Variants in TESK1 observed in about 807,000 individuals in gnomAD.
The protein encoded by TESK1 is testis associated actin remodelling kinase 1.
In TESK1, 18 loss-of-function variants were observed where a neutral mutation model predicts 59.9. That is an observed-to-expected ratio of 0.30 (90% CI 0.21 to 0.45). The LOEUF is 0.45. Ranked by LOEUF, TESK1 falls within the 20% of genes least tolerant of loss-of-function variation. The pLI, the probability that TESK1 is intolerant of heterozygous loss-of-function variation, is 1.00. For synonymous variants in TESK1, 341 were observed against 357.4 expected, an observed-to-expected ratio of 0.95 and a Z score of 0.52; for missense variants, 748 against 840.9, an observed-to-expected ratio of 0.89 and a Z score of 1.37.
At position 35,609,022 on chromosome 9, in the gene TESK1, C is replaced by G; in HGVS notation, c.1161C>G (p.Leu387=). The change falls in exon 10 of 10, where the codon CTC becomes CTG. Residue 387 remains leucine (L), a synonymous_variant. Coordinates refer to ENST00000336395, the MANE Select transcript of TESK1 (RefSeq NM_006285.3). This position sits in a 1 kb window ranked among gnomAD's most constrained non-coding sequence, Gnocchi z 6.7. ...RVNPFSLRED[L]RGGKIKLLDT... ...ACCCCTTCTCACTACGGGAAGACCT[C>G]AGGGGTGGCAAGATCAAGCTCTTAG... 6.2e-7 allele frequency: 1 copy of G among 1,614,212 alleles called. No homozygotes were observed. The highest frequency in any genetic ancestry group is 8.5e-7 in the Non-Finnish European group (1 of 1,180,036).
At chr9:35,606,520 A>G (rs1239584756) in intron 3 of TESK1, among the ~76,000 whole-genome samples, 5 of 152,178 alleles carry the variant, frequency 3.3e-5, no homozygotes, top group African/African-American at 4.8e-5. Flanking sequence ...AGTGACGGAA[A>G]TGTTCTCTAT....
intron 8 of TESK1, 68 bp downstream of exon 8, chr9:35,608,317 G>A (rs988575766): frequency 6.2e-7 from 1 of 1,609,276 alleles, no homozygotes; most frequent in Admixed American, 1.7e-5. Flanking sequence ...CTGCCCTGTG[G>A]GACCCAGGTG....
At position 35,608,325 on chromosome 9, in the gene TESK1, G is replaced by A. The variant is rs796315337; in HGVS notation, c.886-70G>A. On this transcript the variant is annotated intron_variant, in intron 8 of 9. Transcript: ENST00000336395. ...GCCATGGCTGCCCTGTGGGACCCAGGTGATGGGAGGAAACTCAGAGACCCT... is the reference window on the plus strand; with the variant it reads ...GCCATGGCTGCCCTGTGGGACCCAGATGATGGGAGGAAACTCAGAGACCCT... 5 of 1,609,046 alleles carry A rather than the reference G, an allele frequency of 3.1e-6. 1 individual carries two copies. The African/African-American group carries it at 6.7e-5, about 21-fold the overall frequency.
In TESK1 at chr9:35,606,967, G is replaced by A. The variant is rs972961876; in HGVS notation, c.521G>A (p.Arg174His). The A allele has an allele frequency of 4.4e-6, 7 of 1,599,904 alleles. No homozygotes were observed. The highest frequency in any genetic ancestry group is 6.0e-6 in the Non-Finnish European group (7 of 1,171,874). ...RYLHSKGVFH[R>H]DLTSKNCLVR... is the part of the protein sequence containing the mutation. ...CTGCACTCCAAAGGTGTATTTCACC[G>A]CGACCTCACATCCAAGGTAGGCTAG... Residue 174 changes from arginine to histidine, a missense_variant, in exon 4 of 10, where the codon CGC becomes CAC. Physicochemically the swap from Arg to His is conservative, Grantham distance 29 (BLOSUM62 0). Transcript: ENST00000336395.
chr9:35,608,352 T>G (rs1183294021), intron 8 of TESK1, 43 bp from the exon 9 acceptor site: 1 of 1,610,120 alleles, frequency 6.2e-7, no homozygotes, highest in Non-Finnish European at 8.5e-7. Flanking sequence ...AGAGACCCTC[T>G]TTCGGAGCAC....
intron 3 of TESK1, 105 bp from the exon 4 acceptor site, chr9:35,606,732 C>T: frequency 8.2e-7 from 1 of 1,222,360 alleles, no homozygotes; most frequent in Non-Finnish European, 1.1e-6. Context: ...AGTCTTACCC[C>T]TATGACCTCT....
At chr9:35,608,728 AC>A in intron 9 of TESK1, 133 bp from the exon 10 acceptor site, 1 of 1,098,484 alleles carries the variant, frequency 9.1e-7, no homozygotes, top group East Asian at 2.4e-5. Flanking sequence ...AGATGACATC[AC>A]CCCTTTCCAA....
Position 35,607,026 on chromosome 9 carries a change from G to A in TESK1, c.537+43G>A, listed in dbSNP as rs1822864073. On this transcript the variant is annotated intron_variant, in intron 4 of 9. Coordinates refer to ENST00000336395, the MANE Select transcript of TESK1 (RefSeq NM_006285.3). This position sits in a 1 kb window ranked among gnomAD's most constrained non-coding sequence, Gnocchi z 4.5. The stretch of plus-strand genomic sequence containing the variant: ...GTGGAGACATGAAAGAGGGTTTGAG[G>A]CTATTAGGTTGTAACTGGCCTGTGG... 1 of 1,525,944 alleles carries A rather than the reference G, an allele frequency of 6.6e-7. No homozygotes were observed. Among genetic ancestry groups the A allele is most frequent in the Non-Finnish European group, 8.8e-7 (1 of 1,132,986 alleles). 94.5% of individuals were successfully genotyped at this position (1,525,944 alleles called of 1,614,324 possible).
At chr9:35,606,340 A>C in intron 3 of TESK1, 55 bp downstream of exon 3, 1 of 1,605,250 alleles carries the variant, frequency 6.2e-7, no homozygotes, top group Non-Finnish European at 8.5e-7. Context: ...CCAAGGATAA[A>C]GGGAGTCAAC....
Position 35,606,927 on chromosome 9 carries a change from C to T in TESK1, c.481C>T (p.Arg161Ter). ...VRLHLALDIA[R>*]GLRYLHSKGV... ...GCTCCACCTGGCCCTGGACATTGCC[C>T]GAGGCCTGCGGTACCTGCACTCCAA... The change falls in exon 4 of 10, where the codon CGA (arginine) becomes TGA (stop). Residue 161 changes from arginine (R) to a stop codon, truncating the protein, a stop_gained. Transcript: ENST00000336395. LOFTEE classifies it high-confidence loss of function. The T allele has an allele frequency of 3.7e-6, 6 of 1,613,470 alleles. No homozygotes were observed. The highest frequency in any genetic ancestry group is 5.1e-6 in the Non-Finnish European group (6 of 1,179,668).
chr9:35,607,335 A>G lies in TESK1; in HGVS notation c.546A>G (p.Leu182=). ...FHRDLTSKNC[L]VRREDRGFTA... ...ATGTGTGTGTGTGTCAGAACTGTCT[A>G]GTCCGACGGGAAGATCGAGGCTTCA... Residue 182 remains leucine, a synonymous_variant, in exon 5 of 10, where the codon CTA becomes CTG. Coordinates refer to ENST00000336395, the MANE Select transcript of TESK1 (RefSeq NM_006285.3). The surrounding 1 kb of genome is among the most constrained non-coding windows in gnomAD (Gnocchi z 4.5). The G allele has an allele frequency of 1.2e-6, 2 of 1,614,184 alleles. No homozygotes were observed. Among genetic ancestry groups the G allele is most frequent in the Non-Finnish European group, 8.5e-7 (1 of 1,180,018 alleles).
intron 7 of TESK1, 58 bp from the exon 8 acceptor site, chr9:35,608,102 G>A (rs1822885331): frequency 1.2e-6 from 2 of 1,608,606 alleles, no homozygotes; most frequent in Admixed American, 1.7e-5. Flanking sequence ...TCTGACTGGG[G>A]AGCAGAAGGA....
In TESK1 at chr9:35,607,999, A is replaced by C. The variant is rs1822882863; in HGVS notation, c.783A>C (p.Leu261=). ...IARVPADPDY[L]PRTEDFGLDV... ...GAGTACCTGCAGACCCTGACTACCTACCACGCACTGAGGTGAATGTTTCTA... is the reference window on the plus strand; with the variant it reads ...GAGTACCTGCAGACCCTGACTACCTCCCACGCACTGAGGTGAATGTTTCTA... The change falls in exon 7 of 10, where the codon CTA becomes CTC. Residue 261 remains leucine, a synonymous_variant. Coordinates refer to ENST00000336395, the MANE Select transcript of TESK1 (RefSeq NM_006285.3). The surrounding 1 kb of genome is among the most constrained non-coding windows in gnomAD (Gnocchi z 4.5). 6.2e-7 allele frequency: 1 copy of C among 1,614,096 alleles called. No homozygotes were observed. Among genetic ancestry groups the C allele is most frequent in the African/African-American group, 1.3e-5 (1 of 75,014 alleles).
In TESK1 at chr9:35,607,225, G is replaced by A. The variant is rs556668392; in HGVS notation, c.538-102G>A. 2 of 1,462,988 alleles carry A rather than the reference G, an allele frequency of 1.4e-6. 1 individual carries two copies. The highest frequency in any genetic ancestry group is 1.9e-6 in the Non-Finnish European group (2 of 1,048,194). 90.6% of individuals were successfully genotyped at this position (1,462,988 alleles called of 1,614,324 possible). A position where few individuals can be genotyped will look rare whatever the true frequency, so the allele number is the denominator to read the frequency against. Reference sequence around the variant, plus strand: ...CTTGAAAAACTGGGAGAGCAGAGAGGGTTGGAGTTATGCTGGAGTGACAGG... The same window carrying A: ...CTTGAAAAACTGGGAGAGCAGAGAGAGTTGGAGTTATGCTGGAGTGACAGG... On this transcript the variant is annotated intron_variant, in intron 4 of 9. Transcript: ENST00000336395. The surrounding 1 kb of genome is among the most constrained non-coding windows in gnomAD (Gnocchi z 4.5).
In TESK1 at chr9:35,606,034, C is replaced by T. The variant is rs753734407; in HGVS notation, c.270C>T (p.Leu90=). Residue 90 remains leucine (L), a synonymous_variant, in exon 2 of 10, where the codon CTC becomes CTT. Coordinates refer to ENST00000336395, the MANE Select transcript of TESK1 (RefSeq NM_006285.3). ...TCATGGTGCTGAAGATGAACAAGCT[C>T]CCCAGTAACCGGGGCAACACACTAC... The part of the protein sequence containing the change: ...GQVMVLKMNK[L]PSNRGNTLRE... 6.2e-7 allele frequency: 1 copy of T among 1,614,132 alleles called. No homozygotes were observed. Among genetic ancestry groups the T allele is most frequent in the South Asian group, 1.1e-5 (1 of 91,088 alleles).
At position 35,607,057 on chromosome 9, in the gene TESK1, G is replaced by T. The variant is rs1250728270; in HGVS notation, c.537+74G>T. On this transcript the variant is annotated intron_variant, in intron 4 of 9. Transcript: ENST00000336395. The surrounding 1 kb of genome is among the most constrained non-coding windows in gnomAD (Gnocchi z 4.5). ...AGGTTGTAACTGGCCTGTGGATGTT[G>T]GAATATGGATAACAGATATATTAGG... 1.4e-6 allele frequency: 2 copies of T among 1,473,560 alleles called. No homozygotes were observed. The highest frequency in any genetic ancestry group is 1.3e-5 in the South Asian group (1 of 74,758). 91.3% of individuals were successfully genotyped at this position (1,473,560 alleles called of 1,614,324 possible). A position where few individuals can be genotyped will look rare whatever the true frequency, so the allele number is the denominator to read the frequency against.
chr9:35,608,971 C>A lies in TESK1; in HGVS notation c.1110C>A (p.Asn370Lys), dbSNP rs373820214. ...CCCCATCACCAGAATCACCCCCCAA[C>A]TGGGGGGACAATCTGACTCGAGTCA... Reference protein sequence around the residue: ...FLPPSPESPPNWGDNLTRVNP... With the variant: ...FLPPSPESPPKWGDNLTRVNP... The change falls in exon 10 of 10, where the codon AAC becomes AAA. Residue 370 changes from asparagine to lysine, a missense_variant. Physicochemically the swap from Asn to Lys is moderately conservative, Grantham distance 94 (BLOSUM62 0). Around this residue, in one of 3 missense-constraint regions of TESK1, gnomAD observed 447 missense variants for 466.1 expected, o/e 0.96. Transcript: ENST00000336395. 3.7e-6 allele frequency: 6 copies of A among 1,614,110 alleles called. No homozygotes were observed. In the African/African-American group the frequency reaches 8.0e-5, roughly 22 times the overall value.
At position 35,605,475 on chromosome 9, in the gene TESK1, A is replaced by C; in HGVS notation, c.-145A>C. 4.0e-6 allele frequency: 1 copy of C among 251,352 alleles called. No homozygotes were observed. The highest frequency in any genetic ancestry group is 7.4e-6 in the Non-Finnish European group (1 of 134,684). 15.6% of individuals were successfully genotyped at this position (251,352 alleles called of 1,614,324 possible). The stretch of plus-strand genomic sequence containing the variant: ...CCGGCGCGGCGGGGGCGGGTCCAGG[A>C]TCTTCGGCGGATCTTCCATTCTCAG... On this transcript the variant is annotated 5_prime_UTR_variant, in exon 1 of 10. Coordinates refer to ENST00000336395, the MANE Select transcript of TESK1 (RefSeq NM_006285.3).
At chr9:35,606,799 A>C in intron 3 of TESK1, 38 bp from the exon 4 acceptor site, 1 of 1,561,980 alleles carries the variant, frequency 6.4e-7, no homozygotes, top group Non-Finnish European at 8.7e-7. Context: ...TACAGACTGA[A>C]GTCTGACATC....
Sources: allele counts gnomAD v4.1 joint callset (sites outside exome capture counted in the v4.1 genomes callset), GRCh38; gene constraint gnomAD v4.1.1; regional missense constraint gnomAD v4.1.1; non-coding constraint Gnocchi (gnomAD v3.1); transcripts MANE v1.5; gene names NCBI Gene and HGNC (gene_info 2026-07-23, HGNC 2026-07-21).